TEP1: variants seen among roughly 807,000 people sequenced by gnomAD.
TEP1 encodes the protein telomerase associated protein 1.
In TEP1, 241 loss-of-function variants were observed where a neutral mutation model predicts 306.3. The observed-to-expected ratio is 0.79, with a 90% CI of 0.71 to 0.88. TEP1 has a LOEUF of 0.88. Among genes scored for constraint, TEP1 ranks in the 40% least tolerant of loss-of-function variants. The pLI is 0.00. For missense variants in TEP1, 3,051 were observed against 3,276.1 expected (o/e 0.93, Z 1.68); for synonymous variants, 1,289 against 1,305.5 (o/e 0.99, Z 0.27).
At chr14:20,400,775 T>C (rs1392669054) in intron 9 of TEP1, 11 of 584,228 alleles carry the variant, frequency 1.9e-5, no homozygotes, top group Non-Finnish European at 3.0e-5. Flanking sequence ...TAACTACATC[T>C]GGTATAATGA....
Position 20,408,358 on chromosome 14 carries a change from A to G in TEP1, c.82T>C (p.Leu28=). 1 of 1,597,400 alleles carries G rather than the reference A, an allele frequency of 6.3e-7. No individual in the cohort carries two copies. The highest frequency in any genetic ancestry group is 1.7e-4 in the Middle Eastern group (1 of 6,004). ...ENRCLAMLPD[L]QPLEKLHQHV... is the part of the protein sequence containing the mutation. ...TGATGTAGTTTCTCCAAGGGCTGTA[A>G]GTCAGGGAGCATAGCCAGGCACCGG... The change falls in exon 2 of 55, where the codon TTA becomes CTA. Residue 28 remains leucine (L), a synonymous_variant. Transcript: ENST00000262715.
At position 20,380,210 on chromosome 14, in the gene TEP1, CTAGGGT is replaced by C; in HGVS notation, c.5003+19_5003+24del. 1 of 1,606,490 alleles carries C rather than the reference CTAGGGT, an allele frequency of 6.2e-7. No homozygotes were observed. Among genetic ancestry groups the C allele is most frequent in the Admixed American group, 1.7e-5 (1 of 59,600 alleles). The stretch of plus-strand genomic sequence containing the variant: ...TGCAGCTTGCTCTCTGGTGGGCTTA[CTAGGGT>C]CTGGGGTCAAGGTCTTACCTTTGCT... On this transcript the variant is annotated intron_variant, in intron 34 of 54. Transcript: ENST00000262715.
intron 12 of TEP1, among the ~76,000 whole-genome samples, chr14:20,395,027 C>A (rs554309448): frequency 6.6e-6 from 1 of 152,116 alleles, no homozygotes; most frequent in African/African-American, 2.4e-5. Context: ...TCAAAATACA[C>A]ACACACACAA....
Position 20,388,082 on chromosome 14 carries a change from T to C in TEP1, c.2526-19A>G. ...AATGAACCTGACATAAATAACAAGATAAATGAGAGTAGAATACCACAGGTC... is the reference window on the plus strand; with the variant it reads ...AATGAACCTGACATAAATAACAAGACAAATGAGAGTAGAATACCACAGGTC... On this transcript the variant is annotated intron_variant, in intron 17 of 54. Transcript: ENST00000262715. 1 of 1,613,452 alleles carries C rather than the reference T, an allele frequency of 6.2e-7. No individual in the cohort carries two copies. Among genetic ancestry groups the C allele is most frequent in the Non-Finnish European group, 8.5e-7 (1 of 1,179,786 alleles).
intron 43 of TEP1, among the ~76,000 whole-genome samples, chr14:20,375,305 T>C (rs912434451): frequency 6.6e-6 from 1 of 152,088 alleles, no homozygotes; most frequent in Non-Finnish European, 1.5e-5. Context: ...TACAGGCATG[T>C]GTCACCACGC....
Position 20,387,960 on chromosome 14 carries a change from G to A in TEP1, c.2629C>T (p.Leu877Phe). The stretch of plus-strand genomic sequence containing the variant: ...GGAGTGTCCTCTTCCAGTGGCCGGA[G>A]AGACTGGACCCCTGTCTTTCCTGGG... ...PPPGKTGVQSLRPLEEDTPSP... is the reference protein window; with the variant it reads ...PPPGKTGVQSFRPLEEDTPSP... The change falls in exon 18 of 55, where the codon CTC (leucine) becomes TTC (phenylalanine). Residue 877 changes from leucine to phenylalanine, a missense_variant. This residue lies in a region of TEP1 where 1,507 missense variants were observed against 1,550.5 expected (regional missense o/e 0.97). Coordinates refer to ENST00000262715, the MANE Select transcript of TEP1 (RefSeq NM_007110.5). The A allele has an allele frequency of 1.9e-6, 3 of 1,614,090 alleles. No homozygotes were observed. The highest frequency in any genetic ancestry group is 1.1e-5 in the South Asian group (1 of 91,044).
chr14:20,379,007 C>A lies in TEP1; in HGVS notation c.5226G>T (p.Glu1742Asp). ...LFLTAFDGLL[E>D]LWDLQHGCRV... The stretch of plus-strand genomic sequence containing the variant: ...GACAACCATGCTGCAGGTCCCAGAG[C>A]TCCAGGAGCCCGTCGAAGGCAGTAA... The change falls in exon 36 of 55, where the codon GAG becomes GAT. Residue 1742 changes from glutamate (E) to aspartate (D), a missense_variant. Transcript: ENST00000262715. 7 of 1,614,252 alleles carry A rather than the reference C, an allele frequency of 4.3e-6. No individual in the cohort carries two copies. The highest frequency in any genetic ancestry group is 5.9e-6 in the Non-Finnish European group (7 of 1,180,052).
intron 1 of TEP1, among the ~76,000 whole-genome samples, chr14:20,410,537 C>G (rs2139219083): frequency 6.6e-6 from 1 of 152,108 alleles, no homozygotes; most frequent in Admixed American, 6.5e-5. Flanking sequence ...ATTCTCCTGC[C>G]TCAGCCTCCC....
intron 48 of TEP1, 69 bp from the exon 49 acceptor site, chr14:20,372,926 G>A (rs1366396142): frequency 1.2e-6 from 2 of 1,613,082 alleles, no homozygotes. Context: ...TCCCTCCCAG[G>A]CACATATGCA....
rs1876486524 is a variant in TEP1 at position 20,381,130 on chromosome 14, T to C, written c.4648-85A>G. 3 of 1,268,596 alleles carry C rather than the reference T, an allele frequency of 2.4e-6. No individual in the cohort carries two copies. The highest frequency in any genetic ancestry group is 3.5e-6 in the Non-Finnish European group (3 of 868,234). 78.6% of individuals were successfully genotyped at this position (1,268,596 alleles called of 1,614,324 possible). ...TAGTCTCAGAACCTGGATACAGAGA[T>C]AGGATCTGAGCTGGGACAAAGGACT... On this transcript the variant is annotated intron_variant, in intron 32 of 54. Coordinates refer to ENST00000262715, the MANE Select transcript of TEP1 (RefSeq NM_007110.5). The surrounding 1 kb of genome is among the most constrained non-coding windows in gnomAD (Gnocchi z 4.0).
At chr14:20,397,010 T>C (rs538533062) in intron 9 of TEP1, among the ~76,000 whole-genome samples, 29 of 152,252 alleles carry the variant, frequency 1.9e-4, no homozygotes, top group Admixed American at 1.1e-3. Flanking sequence ...ACATACAATC[T>C]ACCCTACTCA....
chr14:20,399,575 A>T (rs1878487631), intron 9 of TEP1, among the ~76,000 whole-genome samples: 1 of 147,166 alleles, frequency 6.8e-6, no homozygotes, highest in Non-Finnish European at 1.5e-5. Context: ...AGTGGCTTAC[A>T]TCTGTAATCC....
chr14:20,405,834 C>G (rs918091930), intron 3 of TEP1, among the ~76,000 whole-genome samples: 2 of 151,880 alleles, frequency 1.3e-5, no homozygotes, highest in Admixed American at 6.6e-5. Context: ...GCCAACATGG[C>G]GAAATCCCAT....
chr14:20,391,286 C>T (rs1877699465), intron 13 of TEP1, among the ~76,000 whole-genome samples, 190 bp from the exon 14 acceptor site: 1 of 152,136 alleles, frequency 6.6e-6, no homozygotes, highest in African/African-American at 2.4e-5. Context: ...AAAGAGGAGC[C>T]AGGATCCCTG....
At position 20,378,857 on chromosome 14, in the gene TEP1, T is replaced by G; in HGVS notation, c.5253-4A>C. ...GTGAGCCTTAGTCTGCAGCACCCTA[T>G]CCCAGGAAGATGAAGTCAGTCCTCT... On this transcript the variant is annotated splice_polypyrimidine_tract_variant and splice_region_variant and intron_variant, in intron 36 of 54. Coordinates refer to ENST00000262715, the MANE Select transcript of TEP1 (RefSeq NM_007110.5). 1 of 1,614,146 alleles carries G rather than the reference T, an allele frequency of 6.2e-7. No individual in the cohort carries two copies. Among genetic ancestry groups the G allele is most frequent in the Non-Finnish European group, 8.5e-7 (1 of 1,180,008 alleles).
chr14:20,385,661 C>G (rs1212588633), intron 20 of TEP1, among the ~76,000 whole-genome samples: 2 of 152,266 alleles, frequency 1.3e-5, no homozygotes, highest in Non-Finnish European at 2.9e-5. Flanking sequence ...GCGTGAGCCA[C>G]TGCACCTGGC....
At chr14:20,400,638 C>G in intron 9 of TEP1, 1 of 201,606 alleles carries the variant, frequency 5.0e-6, no homozygotes, top group Non-Finnish European at 1.0e-5. Flanking sequence ...ATATGAGGTT[C>G]TGTACAGATT....
At position 20,377,938 on chromosome 14, in the gene TEP1, C is replaced by T. The variant is rs993744470; in HGVS notation, c.5721+86G>A. On this transcript the variant is annotated intron_variant, in intron 39 of 54. Transcript: ENST00000262715. ...AATCCAAGCTCCTCCACAGTCTCCT[C>T]GACAAAGGACCCCCACCCCCACCAA... 2.5e-5 allele frequency: 39 copies of T among 1,541,678 alleles called. No homozygotes were observed. In the African/African-American group the frequency reaches 3.1e-4, roughly 12 times the overall value.
rs138897266 is a variant in TEP1, at chr14:20,403,792, G to C, written c.1125C>G (p.Tyr375Ter). Reference protein sequence around the residue: ...MTDKFAQFDEYQLAKYNPRKH... With the variant: ...MTDKFAQFDE ...TCCGAGGGTTGTACTTAGCCAGCTG[G>C]TACTCGTCAAACTGGGCAAATTTGT... Residue 375 changes from tyrosine to a stop codon, truncating the protein, a stop_gained, in exon 6 of 55, where the codon TAC becomes TAG. Coordinates refer to ENST00000262715, the MANE Select transcript of TEP1 (RefSeq NM_007110.5). LOFTEE classifies it high-confidence loss of function. The C allele has an allele frequency of 1.9e-6, 3 of 1,614,166 alleles. No individual in the cohort carries two copies. In the South Asian group the frequency reaches 3.3e-5, roughly 18 times the overall value.
Sources: allele counts gnomAD v4.1 joint callset (sites outside exome capture counted in the v4.1 genomes callset), GRCh38; gene constraint gnomAD v4.1.1; regional missense constraint gnomAD v4.1.1; non-coding constraint Gnocchi (gnomAD v3.1); transcripts MANE v1.5; gene names NCBI Gene and HGNC (gene_info 2026-07-23, HGNC 2026-07-21).